The following TBC1D5 variants were observed in gnomAD, a reference collection of about 807,000 sequenced individuals.
The protein encoded by TBC1D5 is TBC1 domain family, member 5.
TBC1D5 carries 75 observed loss-of-function variants against 100.3 expected under a neutral mutation model. The ratio of observed to expected loss-of-function variants is 0.75; its 90% CI spans 0.62 to 0.91. TBC1D5 has a LOEUF of 0.91. Among genes scored for constraint, TBC1D5 ranks in the 40% least tolerant of loss-of-function variants. The probability of loss-of-function intolerance (pLI) is 0.00; values close to 1 mark genes in which losing one functional copy is unlikely to be tolerated. For synonymous variants in TBC1D5, 323 were observed against 325.6 expected (o/e 0.99, Z 0.09); for missense variants, 910 against 942.4 (o/e 0.97, Z 0.45).
At chr3:17,278,861 C>G (rs114743374) in intron 15 of TBC1D5, among the ~76,000 whole-genome samples, 11 of 152,288 alleles carry the variant, frequency 7.2e-5, no homozygotes, top group Non-Finnish European at 1.3e-4. Flanking sequence ...TCTAACTTGA[C>G]TTATCTCTTA....
chr3:17,502,055 C>G (rs2095793556), intron 3 of TBC1D5, among the ~76,000 whole-genome samples: 1 of 149,426 alleles, frequency 6.7e-6, no homozygotes. Flanking sequence ...TTTTCTTTTT[C>G]CCTTCTATGA....
chr3:17,742,177 C>T (rs1203905468), upstream of TBC1D5, among the ~76,000 whole-genome samples: 1 of 152,184 alleles, frequency 6.6e-6, no homozygotes, highest in African/African-American at 2.4e-5. Context: ...CCTGCCCGCC[C>T]TGCCCGCCAG....
chr3:17,237,850 A>G (rs1027477596), intron 17 of TBC1D5, among the ~76,000 whole-genome samples: 1 of 152,200 alleles, frequency 6.6e-6, no homozygotes, highest in African/African-American at 2.4e-5. Context: ...AAGCATTACT[A>G]TACAAAGTTA....
intron 3 of TBC1D5, among the ~76,000 whole-genome samples, chr3:17,471,570 A>G: frequency 7.0e-6 from 1 of 143,848 alleles, no homozygotes; most frequent in African/African-American, 2.8e-5. Context: ...AAAAAATCAA[A>G]ATAGGCAGGA....
At chr3:17,172,490 T>C (rs1324299363) in intron 19 of TBC1D5, among the ~76,000 whole-genome samples, 3 of 152,244 alleles carry the variant, frequency 2.0e-5, no homozygotes, top group Admixed American at 6.5e-5. Flanking sequence ...GAATAAATTT[T>C]GCCATAAAGG....
chr3:17,506,940 C>T lies in TBC1D5; in HGVS notation c.97+1534G>A, dbSNP rs147358624. On this transcript the variant is annotated intron_variant, in intron 3 of 21. Coordinates refer to ENST00000253692, the Ensembl canonical transcript of TBC1D5. ...CTGAGGCAGGAGAATGGCGTGAACC[C>T]GGGAGGCACAGCTTGCAGTGAGCCG... is the stretch of plus-strand genomic sequence containing the variant. 2.5e-3 allele frequency among the ~76,000 whole-genome samples: 376 copies of T among 152,196 alleles called. 3 individuals carry two copies. Among genetic ancestry groups the T allele is most frequent in the Non-Finnish European group, 4.2e-3 (287 of 67,998 alleles).
At chr3:17,563,110 G>C (rs538915652) in intron 2 of TBC1D5, among the ~76,000 whole-genome samples, 1 of 152,214 alleles carries the variant, frequency 6.6e-6, no homozygotes, top group African/African-American at 2.4e-5. Flanking sequence ...GTGAGTAAGA[G>C]AGAGTTTTCA....
chr3:17,663,268 T>TTTAAAGTGG (rs146780908), intron 1 of TBC1D5, among the ~76,000 whole-genome samples: 1 of 151,138 alleles, frequency 6.6e-6, no homozygotes, highest in Non-Finnish European at 1.5e-5. Context: ...TACATAAAAA[T>TTTAAAGTGG]TTATATGACC....
At chr3:17,198,447 A>G (rs927125316) in intron 18 of TBC1D5, among the ~76,000 whole-genome samples, 40 of 152,358 alleles carry the variant, frequency 2.6e-4, no homozygotes, top group Non-Finnish European at 7.4e-5. Flanking sequence ...TTAAATTTGA[A>G]TTTCATATAA....
chr3:17,170,588 C>G (rs2067077036), intron 19 of TBC1D5, among the ~76,000 whole-genome samples: 2 of 152,052 alleles, frequency 1.3e-5, no homozygotes. Context: ...GCTTCTGCCC[C>G]CAAGGTAATG....
Position 17,221,196 on chromosome 3 carries a change from A to C in TBC1D5, c.1589-6826T>G, listed in dbSNP as rs570934678. On this transcript the variant is annotated intron_variant, in intron 17 of 21. Transcript: ENST00000253692. ...CCTTACATAGCAGAAGAGACTTTGCAGGTGTGATAAGGTTAAGGATGTTGA... is the reference window on the plus strand; with the variant it reads ...CCTTACATAGCAGAAGAGACTTTGCCGGTGTGATAAGGTTAAGGATGTTGA... Among the ~76,000 whole-genome samples, 184 of 113,864 alleles carry C rather than the reference A, an allele frequency of 1.6e-3. 1 individual carries two copies. Among genetic ancestry groups the C allele is most frequent in the African/African-American group, 6.9e-3 (169 of 24,602 alleles). 74.7% of individuals were successfully genotyped at this position (113,864 alleles called of 152,430 possible). A position where few individuals can be genotyped will look rare whatever the true frequency, so the allele number is the denominator to read the frequency against.
intron 18 of TBC1D5, among the ~76,000 whole-genome samples, chr3:17,211,575 T>A (rs2072991552): frequency 6.6e-6 from 1 of 152,220 alleles, no homozygotes; most frequent in African/African-American, 2.4e-5. Flanking sequence ...TCTACCTTCA[T>A]CTTCACTTGC....
At chr3:17,361,244 T>G (rs1165318030) in intron 13 of TBC1D5, among the ~76,000 whole-genome samples, 1 of 152,008 alleles carries the variant, frequency 6.6e-6, no homozygotes, top group Non-Finnish European at 1.5e-5. Flanking sequence ...TTTTTTCAAC[T>G]GTGCCATTTG....
At chr3:17,323,718 T>G (rs188292780) in intron 13 of TBC1D5, among the ~76,000 whole-genome samples, 1 of 152,212 alleles carries the variant, frequency 6.6e-6, no homozygotes, top group African/African-American at 2.4e-5. Context: ...GTTTATTGAC[T>G]AGAATAATCA....
chr3:17,407,636 T>G (rs1373924328), intron 4 of TBC1D5, among the ~76,000 whole-genome samples: 1 of 152,146 alleles, frequency 6.6e-6, no homozygotes, highest in Non-Finnish European at 1.5e-5. Flanking sequence ...CACAAAAATT[T>G]CAAAACTTGA....
intron 3 of TBC1D5, among the ~76,000 whole-genome samples, chr3:17,459,714 A>G (rs374773426): frequency 1.3e-5 from 2 of 151,900 alleles, no homozygotes; most frequent in South Asian, 2.1e-4. Context: ...CCTGGGCAAC[A>G]TTAGTGTAAC....
At chr3:17,507,293 C>T (rs1009764927) in intron 3 of TBC1D5, among the ~76,000 whole-genome samples, 3 of 152,130 alleles carry the variant, frequency 2.0e-5, no homozygotes, top group African/African-American at 7.2e-5. Context: ...GAAATGAACA[C>T]TATTTTCATA....
chr3:17,233,594 G>A, intron 17 of TBC1D5, 91 bp downstream of exon 18: 3 of 715,208 alleles, frequency 4.2e-6, no homozygotes, highest in Non-Finnish European at 7.0e-6. Context: ...TGAATGGAGG[G>A]TGGGCAAAAA....
chr3:17,400,370 C>G (rs9843640), intron 8 of TBC1D5, among the ~76,000 whole-genome samples: 75,402 of 151,926 alleles, frequency 0.5, 20,275 homozygotes, highest in African/African-American at 0.68. Context: ...AAGATGTAAA[C>G]TAAATTTATA....
Sources: gnomAD v4.1 joint callset for allele counts (sites outside exome capture counted in the v4.1 genomes callset) on GRCh38, gnomAD v4.1.1 for gene constraint, MANE v1.5 for transcripts, NCBI Gene and HGNC (gene_info 2026-07-23, HGNC 2026-07-21) for gene names.